SLC43A2: variants seen among roughly 807,000 people sequenced by gnomAD.
The protein encoded by SLC43A2 is solute carrier family 43 member 2.
SLC43A2 carries 38 observed loss-of-function variants against 63.2 expected under a neutral mutation model. The observed-to-expected ratio is 0.60, with a 90% CI of 0.46 to 0.79. The LOEUF (loss-of-function observed/expected upper bound fraction) is 0.79. SLC43A2 is among the 30% of genes least tolerant of loss of function. The pLI, the probability that SLC43A2 is intolerant of heterozygous loss-of-function variation, is 0.00. For missense variants in SLC43A2, 644 were observed against 756.2 expected, an observed-to-expected ratio of 0.85 and a Z score of 1.74; for synonymous variants, 322 against 331.0, an observed-to-expected ratio of 0.97 and a Z score of 0.30.
At chr17:1,590,762 C>T (rs1334083055) in intron 9 of SLC43A2, 40 bp downstream of exon 9, 25 of 1,547,962 alleles carry the variant, frequency 1.6e-5, no homozygotes, top group Non-Finnish European at 2.2e-5. Context: ...TGGGCTCAGG[C>T]CGGGGAGTGA....
chr17:1,599,696 G>A (rs192681165), intron 5 of SLC43A2, among the ~76,000 whole-genome samples: 63 of 150,906 alleles, frequency 4.2e-4, no homozygotes, highest in African/African-American at 1.1e-3. Flanking sequence ...GTTAGACTCC[G>A]TCTCAAAAAA....
chr17:1,629,934 C>T (rs528162937), upstream of SLC43A2, among the ~76,000 whole-genome samples: 1 of 152,312 alleles, frequency 6.6e-6, no homozygotes, highest in South Asian at 2.1e-4. Context: ...TGGCTCGCTC[C>T]GGGGGGCTGG....
intron 2 of SLC43A2, among the ~76,000 whole-genome samples, chr17:1,617,119 C>T (rs901358906): frequency 4.6e-5 from 7 of 152,188 alleles, no homozygotes; most frequent in Admixed American, 6.5e-5. Flanking sequence ...CGAGAGCATC[C>T]GCCACCCTAG....
chr17:1,627,675 A>G, intron 2 of SLC43A2, 40 bp downstream of exon 2: 1 of 564,666 alleles, frequency 1.8e-6, no homozygotes, highest in Non-Finnish European at 2.3e-6. Context: ...CCAAAGCCCC[A>G]GCTCCAGGAG....
intron 11 of SLC43A2, among the ~76,000 whole-genome samples, chr17:1,583,000 A>G (rs1387187822): frequency 6.6e-6 from 1 of 152,044 alleles, no homozygotes; most frequent in Non-Finnish European, 1.5e-5. Context: ...AATCGCTTGA[A>G]CCCAGGAGGC....
intron 6 of SLC43A2, 40 bp from the exon 7 acceptor site, chr17:1,591,739 G>GTGGGGGC: frequency 1.2e-5 from 6 of 512,298 alleles, no homozygotes; most frequent in East Asian, 4.1e-5. Context: ...GGGGGAGGGG[G>GTGGGGGC]CAGAGTTAGC....
intron 9 of SLC43A2, chr17:1,586,845 A>AG (rs2076109669): frequency 7.9e-7 from 1 of 1,267,566 alleles, no homozygotes; most frequent in Admixed American, 2.4e-5. Flanking sequence ...TCTAGCCAGG[A>AG]GGCATGTCTG....
intron 6 of SLC43A2, 146 bp from the exon 7 acceptor site, chr17:1,591,845 G>A (rs1305595306): frequency 1.5e-6 from 1 of 662,738 alleles, no homozygotes; most frequent in African/African-American, 1.8e-5. Flanking sequence ...GCCAGCCTGG[G>A]CGTTGGGGCA....
intron 11 of SLC43A2, among the ~76,000 whole-genome samples, chr17:1,582,468 G>C (rs2076034403): frequency 6.6e-6 from 1 of 152,172 alleles, no homozygotes; most frequent in Non-Finnish European, 1.5e-5. Context: ...TGGTGACAGG[G>C]GAGCAGATGC....
intron 5 of SLC43A2, among the ~76,000 whole-genome samples, chr17:1,602,343 T>G (rs1163058129): frequency 6.6e-6 from 1 of 152,128 alleles, no homozygotes; most frequent in Non-Finnish European, 1.5e-5. Context: ...GCTCTTTATG[T>G]ATTAAAGACA....
At position 1,575,449 on chromosome 17, in the gene SLC43A2, A is replaced by G. The variant is rs2075908585; in HGVS notation, c.*155T>C. 2 of 972,350 alleles carry G rather than the reference A, an allele frequency of 2.1e-6. No homozygotes were observed. The highest frequency in any genetic ancestry group is 5.2e-5 in the East Asian group (2 of 38,654). The allele number at this position is 972,350 out of a possible 1,614,324, so 60.2% of individuals were successfully genotyped here. The stretch of plus-strand genomic sequence containing the variant: ...GTCCGGGGCCCTCTCCCGTCCTTCC[A>G]CCACAGAGCTCCGAGGCAGGGCCCC... On this transcript the variant is annotated 3_prime_UTR_variant, in exon 14 of 14. Coordinates refer to ENST00000301335, the MANE Select transcript of SLC43A2 (RefSeq NM_152346.3).
intron 9 of SLC43A2, among the ~76,000 whole-genome samples, chr17:1,587,962 C>G (rs1452656394): frequency 6.8e-6 from 1 of 146,114 alleles, no homozygotes; most frequent in African/African-American, 2.6e-5. Flanking sequence ...TGTTTTCCCC[C>G]CTTAATTCTG....
At chr17:1,587,806 C>A (rs1356504207) in intron 9 of SLC43A2, among the ~76,000 whole-genome samples, 5 of 152,376 alleles carry the variant, frequency 3.3e-5, no homozygotes, top group Admixed American at 6.5e-5. Context: ...TGTCACCTGT[C>A]AACTCTTACA....
rs1257179426 is a variant in SLC43A2, at chr17:1,571,259, C to T, written c.*4345G>A. ...CACCTGCTCACCCTGACCACCCCAC[C>T]CCAGGGGACCCCAGGCTCCTAACTC... is the stretch of plus-strand genomic sequence containing the variant. On this transcript the variant is annotated 3_prime_UTR_variant, in exon 14 of 14. Transcript: ENST00000301335. The surrounding 1 kb of genome is among the most constrained non-coding windows in gnomAD (Gnocchi z 5.2). 1 of 152,272 alleles carries T rather than the reference C, an allele frequency of 6.6e-6. No homozygotes were observed. The allele number at this position is 152,272 out of a possible 1,614,324, so 9.4% of individuals were successfully genotyped here.
In SLC43A2 at chr17:1,579,939, T is replaced by G. The variant is rs1204570246; in HGVS notation, c.1351-1616A>C. On this transcript the variant is annotated intron_variant, in intron 11 of 13. Coordinates refer to ENST00000301335, the MANE Select transcript of SLC43A2 (RefSeq NM_152346.3). Reference sequence around the variant, plus strand: ...CCTGTGCACGCATCAGGCTTTCCTTTTTTTTTTTTTGGAGACAGAGTCTTG... The same window carrying G: ...CCTGTGCACGCATCAGGCTTTCCTTGTTTTTTTTTTGGAGACAGAGTCTTG... 2.6e-5 allele frequency among the ~76,000 whole-genome samples: 4 copies of G among 151,372 alleles called. No individual in the cohort carries two copies. In the East Asian group the frequency reaches 7.7e-4, roughly 29 times the overall value.
At chr17:1,581,887 C>G (rs763907963) in intron 11 of SLC43A2, among the ~76,000 whole-genome samples, 4 of 150,966 alleles carry the variant, frequency 2.6e-5, no homozygotes, top group Admixed American at 6.6e-5. Flanking sequence ...CTCACTGCAA[C>G]CTCTGCCACC....
At chr17:1,586,927 A>AGGGGCCCCCCCCC in intron 9 of SLC43A2, 6 of 1,355,904 alleles carry the variant, frequency 4.4e-6, no homozygotes, top group Non-Finnish European at 6.1e-6. Context: ...TTCCCTGACA[A>AGGGGCCCCCCCCC]TCCCCCCCAC....
chr17:1,625,625 T>C (rs1458548035), intron 2 of SLC43A2, among the ~76,000 whole-genome samples: 2 of 152,136 alleles, frequency 1.3e-5, no homozygotes, highest in African/African-American at 4.8e-5. Flanking sequence ...AGAAAACTGG[T>C]GATGCAGACT....
intron 9 of SLC43A2, chr17:1,586,928 T>TGACCCCCCCC: frequency 8.1e-7 from 1 of 1,232,914 alleles, no homozygotes; most frequent in Non-Finnish European, 1.1e-6. Context: ...TCCCTGACAA[T>TGACCCCCCCC]CCCCCCCACC....
Sources: gnomAD v4.1 joint callset for allele counts (sites outside exome capture counted in the v4.1 genomes callset) on GRCh38, gnomAD v4.1.1 for gene constraint, Gnocchi (gnomAD v3.1) non-coding constraint, MANE v1.5 for transcripts, NCBI Gene and HGNC (gene_info 2026-07-23, HGNC 2026-07-21) for gene names.